UNC5D: variants seen among roughly 807,000 people sequenced by gnomAD.
UNC5D encodes unc-5 netrin receptor D, also known as netrin receptor UNC5D.
A neutral mutation model predicts 105.4 loss-of-function variants in UNC5D; 39 were observed. The observed-to-expected ratio is 0.37, with a 90% CI of 0.29 to 0.48. UNC5D has a LOEUF of 0.48. Among genes scored for constraint, UNC5D ranks in the 20% least tolerant of loss-of-function variants. The probability of loss-of-function intolerance (pLI) is 0.98; values close to 1 mark genes in which losing one functional copy is unlikely to be tolerated. For synonymous variants in UNC5D, 452 were observed against 450.4 expected, an observed-to-expected ratio of 1.00 and a Z score of -0.04; for missense variants, 991 against 1,202.4, an observed-to-expected ratio of 0.82 and a Z score of 2.60.
chr8:35,252,167 C>T (rs370158260), intron 1 of UNC5D, among the ~76,000 whole-genome samples: 4 of 151,900 alleles, frequency 2.6e-5, no homozygotes, highest in Admixed American at 6.6e-5. Context: ...GGACTACAGG[C>T]GCCAATGGTT....
chr8:35,748,329 C>A (rs1399628070), intron 11 of UNC5D, among the ~76,000 whole-genome samples, 198 bp from the exon 12 acceptor site: 1 of 152,176 alleles, frequency 6.6e-6, no homozygotes, highest in East Asian at 1.9e-4. Flanking sequence ...GATTTGAAAT[C>A]TAGGCTTAAA....
intron 11 of UNC5D, among the ~76,000 whole-genome samples, chr8:35,748,106 T>G (rs1381604917): frequency 6.6e-6 from 1 of 152,200 alleles, no homozygotes; most frequent in Non-Finnish European, 1.5e-5. Flanking sequence ...TATTTTAGAT[T>G]GTGTTTTCAT....
intron 4 of UNC5D, among the ~76,000 whole-genome samples, chr8:35,676,477 T>TAA (rs1404231477): frequency 6.6e-6 from 1 of 152,216 alleles, no homozygotes; most frequent in African/African-American, 2.4e-5. Context: ...GTCATGTGCA[T>TAA]AAGTGATACA....
intron 1 of UNC5D, among the ~76,000 whole-genome samples, chr8:35,434,029 T>C (rs10102427): frequency 1.3e-5 from 2 of 152,074 alleles, no homozygotes; most frequent in African/African-American, 4.8e-5. Flanking sequence ...AATAATTTAT[T>C]TTAAAGCTAG....
At chr8:35,757,945 T>G (rs1187126644) in intron 13 of UNC5D, among the ~76,000 whole-genome samples, 1 of 152,214 alleles carries the variant, frequency 6.6e-6, no homozygotes, top group Non-Finnish European at 1.5e-5. Context: ...TAACTTTAAT[T>G]AAAAATTCAG....
chr8:35,413,912 G>A (rs1266393487), intron 1 of UNC5D, among the ~76,000 whole-genome samples: 1 of 152,008 alleles, frequency 6.6e-6, no homozygotes, highest in Non-Finnish European at 1.5e-5. Context: ...TACATCAGTG[G>A]GTCTTAGTGC....
chr8:35,536,116 A>G (rs1305282947), intron 1 of UNC5D, among the ~76,000 whole-genome samples: 1 of 152,212 alleles, frequency 6.6e-6, no homozygotes, highest in Admixed American at 6.5e-5. Context: ...TTCAAATACA[A>G]CTTGGTATAA....
At chr8:35,403,201 G>A (rs754929738) in intron 1 of UNC5D, among the ~76,000 whole-genome samples, 29 of 152,192 alleles carry the variant, frequency 1.9e-4, no homozygotes, top group Non-Finnish European at 3.8e-4. Context: ...GCTAAAGCTT[G>A]TTGGCCAGCA....
intron 1 of UNC5D, among the ~76,000 whole-genome samples, chr8:35,376,260 G>A (rs1351037074): frequency 1.3e-5 from 2 of 152,166 alleles, no homozygotes; most frequent in Admixed American, 6.6e-5. Flanking sequence ...GGAGAAAAGA[G>A]GAGTGTGTTG....
intron 7 of UNC5D, among the ~76,000 whole-genome samples, chr8:35,688,646 C>T (rs1436311045): frequency 6.6e-6 from 1 of 152,206 alleles, no homozygotes; most frequent in Non-Finnish European, 1.5e-5. Context: ...AGAAAGCTTT[C>T]CCGCTTCCTA....
intron 1 of UNC5D, among the ~76,000 whole-genome samples, chr8:35,259,843 G>A (rs1804330097): frequency 6.6e-6 from 1 of 151,902 alleles, no homozygotes; most frequent in Non-Finnish European, 1.5e-5. Flanking sequence ...GGAGGAAGTG[G>A]GGAGGGGTGA....
At chr8:35,389,336 C>A (rs1803623398) in intron 1 of UNC5D, among the ~76,000 whole-genome samples, 1 of 152,158 alleles carries the variant, frequency 6.6e-6, no homozygotes, top group Non-Finnish European at 1.5e-5. Flanking sequence ...GTGTGCAAAT[C>A]ACCTGAGCCC....
At chr8:35,360,293 T>C (rs1008773528) in intron 1 of UNC5D, among the ~76,000 whole-genome samples, 6 of 152,198 alleles carry the variant, frequency 3.9e-5, no homozygotes, top group African/African-American at 1.4e-4. Flanking sequence ...TTCCAGAAGA[T>C]TGTAACATAT....
In UNC5D at chr8:35,471,653, GT is replaced by G. The variant is rs1337606288; in HGVS notation, c.104-77634del. On this transcript the variant is annotated intron_variant, in intron 1 of 16. Coordinates refer to ENST00000404895, the MANE Select transcript of UNC5D (RefSeq NM_080872.4). ...TAGCTTTTCCTTGTGTTTTTTCTTT[GT>G]TTTTCCTCCTTCATGGTTAAGAAAA... Among the ~76,000 whole-genome samples the G allele has an allele frequency of 2.0e-5, 3 of 152,034 alleles. No homozygotes were observed. In the East Asian group the frequency reaches 5.8e-4, roughly 29 times the overall value.
chr8:35,553,838 A>G lies in UNC5D; in HGVS notation c.322+4328A>G, dbSNP rs1816337857. Among the ~76,000 whole-genome samples the G allele has an allele frequency of 2.6e-5, 4 of 152,140 alleles. 1 individual carries two copies. The highest frequency in any genetic ancestry group is 2.0e-4 in the Admixed American group (3 of 15,262). ...AGGACTTGACTACCTTTACAGACTT[A>G]ATGGCTTTTGACTGGATTCGTAAAA... On this transcript the variant is annotated intron_variant, in intron 2 of 16. Transcript: ENST00000404895.
chr8:35,742,798 C>T (rs1829825049), intron 11 of UNC5D, among the ~76,000 whole-genome samples: 1 of 152,138 alleles, frequency 6.6e-6, no homozygotes, highest in Non-Finnish European at 1.5e-5. Flanking sequence ...CGTAGCTGAC[C>T]TTCAACATGA....
intron 3 of UNC5D, among the ~76,000 whole-genome samples, chr8:35,587,114 C>T (rs925567096): frequency 9.2e-5 from 14 of 152,084 alleles, no homozygotes; most frequent in African/African-American, 2.7e-4. Flanking sequence ...GCCAAGTACC[C>T]GGCTTTGTCA....
intron 1 of UNC5D, among the ~76,000 whole-genome samples, chr8:35,546,453 A>G (rs1815685774): frequency 6.6e-6 from 1 of 152,212 alleles, no homozygotes; most frequent in South Asian, 2.1e-4. Context: ...ACATAGACGT[A>G]TTCATGCGTT....
At chr8:35,389,095 A>T (rs909318385) in intron 1 of UNC5D, among the ~76,000 whole-genome samples, 2 of 152,224 alleles carry the variant, frequency 1.3e-5, no homozygotes, top group Non-Finnish European at 2.9e-5. Context: ...TGGAAGCAAG[A>T]TTCTTCACAC....
Sources: allele counts gnomAD v4.1 joint callset (sites outside exome capture counted in the v4.1 genomes callset), GRCh38; gene constraint gnomAD v4.1.1; transcripts MANE v1.5; gene names NCBI Gene and HGNC (gene_info 2026-07-23, HGNC 2026-07-21).